The following ERICH6 variants were observed in gnomAD, a reference collection of about 807,000 sequenced individuals.
ERICH6 encodes the protein glutamate-rich protein 6.
ERICH6 carries 71 observed loss-of-function variants against 71.0 expected under a neutral mutation model. The observed-to-expected ratio is 1.00, with a 90% CI of 0.83 to 1.22. ERICH6 has a LOEUF of 1.22. Ranked by LOEUF, ERICH6 falls within the 50% of genes most tolerant of loss-of-function variation. The pLI, the probability that ERICH6 is intolerant of heterozygous loss-of-function variation, is 0.00. For synonymous variants in ERICH6, 262 were observed against 278.4 expected, an observed-to-expected ratio of 0.94 and a Z score of 0.59; for missense variants, 808 against 797.2, an observed-to-expected ratio of 1.01 and a Z score of -0.16.
Position 150,660,039 on chromosome 3 carries a change from A to G in ERICH6, c.1845T>C (p.Asn615=). Residue 615 remains asparagine (N), a synonymous_variant, in exon 14 of 14, where the codon AAT becomes AAC. Coordinates refer to ENST00000295910, the MANE Select transcript of ERICH6 (RefSeq NM_152394.5). The stretch of plus-strand genomic sequence containing the variant: ...TTTCCCAAACCTGGCTTGAGGGAAA[A>G]TTCACACATCCTTCAAGTTTATGAA... The part of the protein sequence containing the change: ...RLFHKLEGCV[N]FPSSQVWEKL... The G allele has an allele frequency of 6.2e-7, 1 of 1,614,110 alleles. No individual in the cohort carries two copies. The highest frequency in any genetic ancestry group is 1.1e-5 in the South Asian group (1 of 91,080).
intron 3 of ERICH6, 110 bp from the exon 4 acceptor site, chr3:150,686,464 A>G: frequency 2.3e-6 from 2 of 857,980 alleles, no homozygotes; most frequent in Non-Finnish European, 3.6e-6. Flanking sequence ...TGTTTCTTTT[A>G]TCTTTTAATC....
At chr3:150,680,049 AGCTCTTT>A (rs1361443948) in intron 9 of ERICH6, among the ~76,000 whole-genome samples, 2 of 152,224 alleles carry the variant, frequency 1.3e-5, no homozygotes, top group Non-Finnish European at 2.9e-5. Context: ...TGAACTTGAA[AGCTCTTT>A]GCAGTTATCT....
At chr3:150,663,171 G>C (rs1727284703) in intron 13 of ERICH6, among the ~76,000 whole-genome samples, 1 of 152,152 alleles carries the variant, frequency 6.6e-6, no homozygotes, top group Admixed American at 6.5e-5. Context: ...GCCAGAAGCA[G>C]GGAGACTTAT....
chr3:150,681,655 C>T (rs1408051374), intron 7 of ERICH6, among the ~76,000 whole-genome samples: 1 of 152,118 alleles, frequency 6.6e-6, no homozygotes, highest in Non-Finnish European at 1.5e-5. Context: ...ATTTTATATT[C>T]CACCTCAGCA....
At chr3:150,680,998 G>T in intron 7 of ERICH6, 68 bp from the exon 8 acceptor site, 3 of 1,452,748 alleles carry the variant, frequency 2.1e-6, no homozygotes, top group South Asian at 1.6e-5. Flanking sequence ...GGATAAAAAT[G>T]ACTAACAAGG....
intron 11 of ERICH6, 115 bp from the exon 12 acceptor site, chr3:150,669,566 A>G: frequency 8.8e-7 from 1 of 1,132,676 alleles, no homozygotes; most frequent in Non-Finnish European, 1.3e-6. Context: ...AATGGGAGGT[A>G]CTATATTAAT....
chr3:150,679,518 C>T (rs967897069), intron 9 of ERICH6, among the ~76,000 whole-genome samples: 1 of 152,086 alleles, frequency 6.6e-6, no homozygotes, highest in Admixed American at 6.5e-5. Context: ...TCATTTACCC[C>T]GAATCAGACA....
intron 5 of ERICH6, 35 bp from the exon 6 acceptor site, chr3:150,685,893 A>G: frequency 6.2e-7 from 1 of 1,608,322 alleles, no homozygotes; most frequent in Non-Finnish European, 8.5e-7. Flanking sequence ...GGTGAGGGGA[A>G]ATAATTGAAG....
Position 150,703,614 on chromosome 3 carries a change from G to A in ERICH6, c.285C>T (p.Arg95=). The change falls in exon 1 of 14, where the codon CGC becomes CGT. Residue 95 remains arginine, a synonymous_variant. Coordinates refer to ENST00000295910, the MANE Select transcript of ERICH6 (RefSeq NM_152394.5). Reference sequence around the variant, plus strand: ...GGCTGACGATGCTGGCTAAGCGGGGGCGCACGTCTGGGAAGTCGTCGTCGT... The same window carrying A: ...GGCTGACGATGCTGGCTAAGCGGGGACGCACGTCTGGGAAGTCGTCGTCGT... ...GDYDDDFPDV[R]PRLASIVSPS... The A allele has an allele frequency of 2.5e-6, 4 of 1,614,074 alleles. No homozygotes were observed. In the South Asian group the frequency reaches 3.3e-5, roughly 13 times the overall value.
chr3:150,661,361 G>T (rs1727216867), intron 13 of ERICH6, among the ~76,000 whole-genome samples: 1 of 152,190 alleles, frequency 6.6e-6, no homozygotes, highest in South Asian at 2.1e-4. Context: ...CTGGCAGCGG[G>T]CACTAGCGCT....
At chr3:150,678,768 C>G (rs1711766953) in intron 9 of ERICH6, among the ~76,000 whole-genome samples, 1 of 152,068 alleles carries the variant, frequency 6.6e-6, no homozygotes, top group East Asian at 1.9e-4. Flanking sequence ...AGACTGGGCA[C>G]AGTGGCTCAC....
rs78132193 is a variant in ERICH6 at position 150,698,872 on chromosome 3, G to T, written c.472C>A (p.Arg158Ser). Residue 158 changes from arginine (R) to serine (S), a missense_variant, in exon 3 of 14, where the codon CGC becomes AGC. By Grantham distance (110) the Arg-to-Ser change is moderately radical. Coordinates refer to ENST00000295910, the MANE Select transcript of ERICH6 (RefSeq NM_152394.5). Reference protein sequence around the residue: ...SEMSIDRNIHRNLSPGIPVSV... With the variant: ...SEMSIDRNIHSNLSPGIPVSV... ...ACTGGAATTCCTGGAGACAAATTGCGATGAATATTTCTGAAATTTCGACAA... is the reference window on the plus strand; with the variant it reads ...ACTGGAATTCCTGGAGACAAATTGCTATGAATATTTCTGAAATTTCGACAA... 31 of 1,613,214 alleles carry T rather than the reference G, an allele frequency of 1.9e-5. No homozygotes were observed. The Admixed American group carries it at 5.2e-4, about 27-fold the overall frequency.
chr3:150,665,572 ATC>A (rs1219601316), intron 13 of ERICH6, among the ~76,000 whole-genome samples: 3 of 149,618 alleles, frequency 2.0e-5, no homozygotes, highest in Non-Finnish European at 4.4e-5. Flanking sequence ...CATGCCTGGA[ATC>A]TCTGCACTTT....
chr3:150,680,739 T>G (rs1711883744), intron 8 of ERICH6, 34 bp downstream of exon 8: 1 of 1,581,098 alleles, frequency 6.3e-7, no homozygotes. Context: ...TAAGCCGGCC[T>G]GTATGAGTTT....
chr3:150,667,238 G>T (rs1245704577), intron 12 of ERICH6, among the ~76,000 whole-genome samples: 1 of 152,102 alleles, frequency 6.6e-6, no homozygotes, highest in African/African-American at 2.4e-5. Context: ...AACTAAAATG[G>T]GTCCAAAGGA....
chr3:150,665,535 C>A (rs1000793255), intron 13 of ERICH6, among the ~76,000 whole-genome samples: 14 of 44,538 alleles, frequency 3.1e-4, no homozygotes, highest in East Asian at 1.7e-3. Flanking sequence ...AAAAAAAAAT[C>A]GACGAAACAG....
At chr3:150,676,289 T>C (rs1284988103) in intron 10 of ERICH6, among the ~76,000 whole-genome samples, 6 of 152,160 alleles carry the variant, frequency 3.9e-5, no homozygotes, top group African/African-American at 1.4e-4. Context: ...GCAGTTTTCA[T>C]TTTCATTTCA....
Position 150,678,476 on chromosome 3 carries a change from A to G in ERICH6, c.1190T>C (p.Phe397Ser). The change falls in exon 10 of 14, where the codon TTT becomes TCT. Residue 397 changes from phenylalanine to serine, a missense_variant. Physicochemically the swap from Phe to Ser is radical, Grantham distance 155. Coordinates refer to ENST00000295910, the MANE Select transcript of ERICH6 (RefSeq NM_152394.5). The stretch of plus-strand genomic sequence containing the variant: ...GTTACTGTTTCTTAGTTGAAAATCA[A>G]ATACAATGTCATCAATTATCTGTTT... Reference protein sequence around the residue: ...PEKQIIDDIVFDFQLRNSNMS... With the variant: ...PEKQIIDDIVSDFQLRNSNMS... 1 of 1,604,732 alleles carries G rather than the reference A, an allele frequency of 6.2e-7. No homozygotes were observed. The highest frequency in any genetic ancestry group is 1.1e-5 in the South Asian group (1 of 88,648).
At chr3:150,691,132 C>A (rs1171169981) in intron 3 of ERICH6, among the ~76,000 whole-genome samples, 1 of 152,162 alleles carries the variant, frequency 6.6e-6, no homozygotes, top group African/African-American at 2.4e-5. Context: ...TATAATTTTG[C>A]AATGGCAGTT....
Sources: gnomAD v4.1 joint callset for allele counts (sites outside exome capture counted in the v4.1 genomes callset) on GRCh38, gnomAD v4.1.1 for gene constraint, MANE v1.5 for transcripts, NCBI Gene and HGNC (gene_info 2026-07-23, HGNC 2026-07-21) for gene names.